CCNH: variants seen among roughly 807,000 people sequenced by gnomAD.
CCNH encodes the protein cyclin-H.
CCNH carries 31 observed loss-of-function variants against 41.9 expected under a neutral mutation model. That is an observed-to-expected ratio of 0.74 (90% confidence interval 0.56 to 1.00). CCNH has a LOEUF of 1.00. Ranked by LOEUF, CCNH falls within the 50% of genes least tolerant of loss-of-function variation. The pLI, the probability that CCNH is intolerant of heterozygous loss-of-function variation, is 0.00. For synonymous variants in CCNH, 138 were observed against 136.1 expected, an observed-to-expected ratio of 1.01 and a Z score of -0.10; for missense variants, 362 against 388.4, an observed-to-expected ratio of 0.93 and a Z score of 0.57.
At chr5:87,339,562 G>C (rs1758288798) in intron 9 of CCNH, among the ~76,000 whole-genome samples, 1 of 151,926 alleles carries the variant, frequency 6.6e-6, no homozygotes, top group Non-Finnish European at 1.5e-5. Flanking sequence ...TGAGCTCTTG[G>C]AATTCTGGAT....
At chr5:87,325,142 G>A (rs780454584) in intron 9 of CCNH, among the ~76,000 whole-genome samples, 1 of 152,014 alleles carries the variant, frequency 6.6e-6, no homozygotes, top group East Asian at 1.9e-4. Flanking sequence ...TCTTCACATG[G>A]TGTCATCAAG....
intron 7 of CCNH, among the ~76,000 whole-genome samples, chr5:87,398,570 A>AGC (rs1450140785): frequency 6.6e-6 from 1 of 152,194 alleles, no homozygotes; most frequent in African/African-American, 2.4e-5. Context: ...CAATTTGCAA[A>AGC]GCACAAATTG....
intron 8 of CCNH, 53 bp from the exon 9 acceptor site, chr5:87,394,537 G>A (rs1271508433): frequency 3.1e-6 from 5 of 1,604,334 alleles, no homozygotes; most frequent in African/African-American, 1.3e-5. Flanking sequence ...AACCAGTATT[G>A]TTTACCTCTT....
At chr5:87,362,941 G>A (rs1308014676) in intron 9 of CCNH, among the ~76,000 whole-genome samples, 1 of 150,396 alleles carries the variant, frequency 6.6e-6, no homozygotes, top group Non-Finnish European at 1.5e-5. Flanking sequence ...ATGGCACATG[G>A]CACATTCATA....
At chr5:87,333,199 A>G in intron 9 of CCNH, 1 of 1,583,736 alleles carries the variant, frequency 6.3e-7, no homozygotes, top group Non-Finnish European at 8.6e-7. Flanking sequence ...CTTTATGTGG[A>G]TATACCTCTT....
chr5:87,330,895 G>A lies in CCNH; in HGVS notation c.*91-11998C>T, dbSNP rs1275375352. On this transcript the variant is annotated intron_variant and NMD_transcript_variant, in intron 9 of 9. Coordinates refer to the CCNH transcript ENST00000645953. ...TGTAATTCTGTTTTCCTGTCGCAGG[G>A]CACAAACACTAAAATGGAATAAAAC... 11 of 1,232,446 alleles carry A rather than the reference G, an allele frequency of 8.9e-6. No homozygotes were observed. In the East Asian group the frequency reaches 2.7e-4, roughly 31 times the overall value. 76.3% of individuals were successfully genotyped at this position (1,232,446 alleles called of 1,614,324 possible).
At chr5:87,318,813 C>A (rs1203594306) in exon 10 of CCNH, 1 of 152,242 alleles carries the variant, frequency 6.6e-6, no homozygotes, top group Non-Finnish European at 1.5e-5. Flanking sequence ...TCCCAACAGT[C>A]CCCCAAAGTC....
chr5:87,403,005 T>C (rs769508829), intron 5 of CCNH, among the ~76,000 whole-genome samples: 1 of 152,046 alleles, frequency 6.6e-6, no homozygotes, highest in African/African-American at 2.4e-5. Flanking sequence ...AAGTAGCAGA[T>C]GAAAAATAAA....
At chr5:87,328,251 CAG>C (rs1226266269) in intron 9 of CCNH, among the ~76,000 whole-genome samples, 1 of 152,076 alleles carries the variant, frequency 6.6e-6, no homozygotes, top group Non-Finnish European at 1.5e-5. Context: ...ATGTTACACT[CAG>C]AGTATTCTCA....
chr5:87,324,806 G>A (rs894264277), intron 9 of CCNH, among the ~76,000 whole-genome samples: 14 of 151,972 alleles, frequency 9.2e-5, no homozygotes, highest in Non-Finnish European at 1.2e-4. Flanking sequence ...GCTTAGCCTA[G>A]TGGTTGTTCA....
intron 7 of CCNH, among the ~76,000 whole-genome samples, chr5:87,395,972 A>AAATAAGTAC (rs1218584564): frequency 6.6e-6 from 1 of 151,980 alleles, no homozygotes; most frequent in African/African-American, 2.4e-5. Context: ...TATCATATAT[A>AAATAAGTAC]AATAAGTACA....
At chr5:87,394,600 A>AGTTT (rs1252504688) in intron 8 of CCNH, 116 bp from the exon 9 acceptor site, 8 of 1,525,900 alleles carry the variant, frequency 5.2e-6, no homozygotes, top group Non-Finnish European at 7.0e-6. Context: ...ATTACAAAAG[A>AGTTT]TAAACCAGGA....
downstream of CCNH, chr5:87,389,577 TAG>T: frequency 6.2e-7 from 1 of 1,600,496 alleles, no homozygotes. Flanking sequence ...AGATAACACT[TAG>T]AGAGTTAATA....
chr5:87,411,095 A>C, intron 2 of CCNH, 129 bp downstream of exon 2: 1 of 873,626 alleles, frequency 1.1e-6, no homozygotes, highest in Admixed American at 2.9e-5. Context: ...AAAAATATAT[A>C]ATGTGCCAAA....
downstream of CCNH, chr5:87,393,280 C>G (rs568529523): frequency 4.6e-5 from 7 of 152,096 alleles, no homozygotes; most frequent in East Asian, 1.3e-3. Context: ...TTGAATTACT[C>G]GGAATTCCTT....
intron 9 of CCNH, chr5:87,362,613 TA>T: frequency 6.3e-7 from 1 of 1,599,052 alleles, no homozygotes; most frequent in Non-Finnish European, 8.6e-7. Flanking sequence ...CCATCCGTCG[TA>T]AAACAAAGGA....
At chr5:87,348,194 G>A (rs1758998887) in intron 9 of CCNH, among the ~76,000 whole-genome samples, 1 of 151,906 alleles carries the variant, frequency 6.6e-6, no homozygotes, top group Non-Finnish European at 1.5e-5. Flanking sequence ...TATGTATTAA[G>A]CCTTGAAGAT....
intron 9 of CCNH, among the ~76,000 whole-genome samples, chr5:87,355,270 C>G (rs1039765232): frequency 6.6e-6 from 1 of 152,170 alleles, no homozygotes; most frequent in Non-Finnish European, 1.5e-5. Context: ...CTTCAAAGGT[C>G]AGGCTGACTG....
the CCNH span, among the ~76,000 whole-genome samples, chr5:87,312,753 ATTC>A: frequency 2.0e-5 from 3 of 152,208 alleles, no homozygotes; most frequent in African/African-American, 7.2e-5. Context: ...TCTCAGCTTC[ATTC>A]TTTCTTCTTA....
Sources: gnomAD v4.1 joint callset for allele counts (sites outside exome capture counted in the v4.1 genomes callset) on GRCh38, gnomAD v4.1.1 for gene constraint, MANE v1.5 for transcripts, NCBI Gene and HGNC (gene_info 2026-07-23, HGNC 2026-07-21) for gene names.